Variants in RECQL observed in about 807,000 individuals in gnomAD.
RECQL encodes RecQ like helicase.
A neutral mutation model predicts 75.8 loss-of-function variants in RECQL; 73 were observed. That is an observed-to-expected ratio of 0.96 (90% CI 0.80 to 1.17). The LOEUF is 1.17. RECQL is among the 50% of genes most tolerant of loss of function. RECQL has a pLI of 0.00. For missense variants in RECQL, 699 were observed against 772.1 expected (o/e 0.91, Z 1.12); for synonymous variants, 248 against 254.4 (o/e 0.97, Z 0.24).
intron 4 of RECQL, among the ~76,000 whole-genome samples, chr12:21,487,872 G>A (rs534207885): frequency 3.3e-5 from 5 of 152,262 alleles, no homozygotes; most frequent in Middle Eastern, 6.8e-3. Flanking sequence ...TCTAGACACC[G>A]AAATCTATTA....
intron 5 of RECQL, among the ~76,000 whole-genome samples, chr12:21,483,809 A>T (rs1943239590): frequency 6.6e-6 from 1 of 152,150 alleles, no homozygotes; most frequent in South Asian, 2.1e-4. Flanking sequence ...GACTAAAAAA[A>T]ACTCACTTGA....
chr12:21,492,031 C>T (rs1463297557), intron 2 of RECQL, among the ~76,000 whole-genome samples: 1 of 152,152 alleles, frequency 6.6e-6, no homozygotes, highest in Non-Finnish European at 1.5e-5. Context: ...GTTCTAGACG[C>T]AGTACCTGGT....
intron 2 of RECQL, among the ~76,000 whole-genome samples, chr12:21,493,632 TTGGAGGGGAA>T (rs1943452459): frequency 6.6e-6 from 1 of 152,156 alleles, no homozygotes; most frequent in African/African-American, 2.4e-5. Flanking sequence ...AGACTGAAAT[TTGGAGGGGAA>T]CATAAGGGCA....
At chr12:21,495,444 A>C (rs1276101451) in intron 2 of RECQL, among the ~76,000 whole-genome samples, 4 of 152,052 alleles carry the variant, frequency 2.6e-5, no homozygotes, top group African/African-American at 7.2e-5. Context: ...AAAATACAAA[A>C]AATTAGCCAG....
chr12:21,491,420 TA>T, intron 3 of RECQL, 98 bp downstream of exon 3: 2 of 1,205,102 alleles, frequency 1.7e-6, no homozygotes, highest in Non-Finnish European at 2.3e-6. Context: ...GTTTCACCTC[TA>T]AGCCTACTGG....
chr12:21,489,587 G>C (rs1943369697), intron 4 of RECQL, among the ~76,000 whole-genome samples: 1 of 152,140 alleles, frequency 6.6e-6, no homozygotes, highest in Admixed American at 6.6e-5. Flanking sequence ...CCAGTGCCTA[G>C]CACCATGGCA....
rs555294334 is a variant in RECQL, at chr12:21,495,594, A to T, written c.17-3878T>A. On this transcript the variant is annotated intron_variant, in intron 2 of 14. Coordinates refer to ENST00000444129, the MANE Select transcript of RECQL (RefSeq NM_002907.4). ...TGGGTGACAGAGTGAGACTCCGTCC[A>T]AAAAAAAAAGAAAGAAAAAGAGAAA... 2.0e-5 allele frequency among the ~76,000 whole-genome samples: 3 copies of T among 146,944 alleles called. No homozygotes were observed. In the East Asian group the frequency reaches 5.9e-4, roughly 29 times the overall value.
rs539513762 is a variant in RECQL at position 21,470,084 on chromosome 12, T to C, written c.*110A>G. ...GATAAGCTCTGAAAATATAGATCCATACATATAAAATATCTATGAAATTCT... is the reference window on the plus strand; with the variant it reads ...GATAAGCTCTGAAAATATAGATCCACACATATAAAATATCTATGAAATTCT... On this transcript the variant is annotated 3_prime_UTR_variant, in exon 15 of 15. Coordinates refer to ENST00000444129, the MANE Select transcript of RECQL (RefSeq NM_002907.4). The C allele has an allele frequency of 4.6e-6, 4 of 875,844 alleles. No individual in the cohort carries two copies. The highest frequency in any genetic ancestry group is 2.7e-5 in the East Asian group (1 of 36,422). 54.3% of individuals were successfully genotyped at this position (875,844 alleles called of 1,614,324 possible). A position where few individuals can be genotyped will look rare whatever the true frequency, so the allele number is the denominator to read the frequency against.
chr12:21,472,981 A>G (rs543405160), intron 12 of RECQL, among the ~76,000 whole-genome samples: 8 of 152,172 alleles, frequency 5.3e-5, no homozygotes, highest in Non-Finnish European at 1.2e-4. Flanking sequence ...CAGTATAGCA[A>G]TATAAAATGT....
chr12:21,475,045 A>G, intron 10 of RECQL, 66 bp from the exon 11 acceptor site: 2 of 1,505,060 alleles, frequency 1.3e-6, no homozygotes, highest in Non-Finnish European at 1.8e-6. Context: ...CAAAAATGAC[A>G]TATGGTAAAA....
Position 21,501,474 on chromosome 12 carries a change from G to T in RECQL, c.-350C>A, listed in dbSNP as rs1454339531. Reference sequence around the variant, plus strand: ...GAGCCTCTCCCCACCGAGAAGCCCGGTCTAACTCTCCGGTGTTTGACTGTC... The same window carrying T: ...GAGCCTCTCCCCACCGAGAAGCCCGTTCTAACTCTCCGGTGTTTGACTGTC... On this transcript the variant is annotated 5_prime_UTR_variant, in exon 1 of 15. Transcript: ENST00000444129. 1 of 167,838 alleles carries T rather than the reference G, an allele frequency of 6.0e-6. No homozygotes were observed. The highest frequency in any genetic ancestry group is 1.3e-5 in the Non-Finnish European group (1 of 76,962). 10.4% of individuals were successfully genotyped at this position (167,838 alleles called of 1,614,324 possible). A position where few individuals can be genotyped will look rare whatever the true frequency, so the allele number is the denominator to read the frequency against.
intron 2 of RECQL, among the ~76,000 whole-genome samples, chr12:21,492,118 A>G (rs1943426619): frequency 1.3e-5 from 2 of 152,238 alleles, no homozygotes; most frequent in South Asian, 4.1e-4. Context: ...AAATCATTTA[A>G]GTAAAGTATC....
chr12:21,476,888 A>G, intron 8 of RECQL, 23 bp downstream of exon 8: 1 of 1,535,664 alleles, frequency 6.5e-7, no homozygotes, highest in Admixed American at 1.8e-5. Flanking sequence ...TCTGTCTCCA[A>G]AGTTGGTTTG....
intron 2 of RECQL, 116 bp from the exon 3 acceptor site, chr12:21,491,832 T>C (rs922513040): frequency 1.9e-5 from 17 of 907,822 alleles, no homozygotes; most frequent in African/African-American, 3.4e-5. Context: ...TGAAGTAGTA[T>C]AGCAGAATGG....
At position 21,493,542 on chromosome 12, in the gene RECQL, G is replaced by C. The variant is rs532298657; in HGVS notation, c.17-1826C>G. 5.3e-5 allele frequency among the ~76,000 whole-genome samples: 8 copies of C among 152,330 alleles called. No homozygotes were observed. The South Asian group carries it at 1.7e-3, about 32-fold the overall frequency. On this transcript the variant is annotated intron_variant, in intron 2 of 14. Transcript: ENST00000444129. ...AATAGCTGTAAGTCTAAATCCTGCA[G>C]ATGGCTGAATTTCAATACAAACTGA...
intron 5 of RECQL, among the ~76,000 whole-genome samples, chr12:21,484,906 GA>G (rs1780372921): frequency 6.6e-6 from 1 of 150,690 alleles, no homozygotes; most frequent in Non-Finnish European, 1.5e-5. Flanking sequence ...AACTCATAAA[GA>G]AAGGGAAAAA....
intron 4 of RECQL, among the ~76,000 whole-genome samples, chr12:21,489,355 A>G (rs1302591629): frequency 6.6e-6 from 1 of 151,244 alleles, no homozygotes; most frequent in Non-Finnish European, 1.5e-5. Context: ...CCCTTTCAAG[A>G]AAAAGCTTGC....
chr12:21,490,169 CA>C (rs1287643530), intron 4 of RECQL, 29 bp downstream of exon 4: 32 of 1,366,842 alleles, frequency 2.3e-5, no homozygotes, highest in Non-Finnish European at 3.2e-5. Context: ...AGCACTTCTT[CA>C]ACTCAAAATT....
intron 1 of RECQL, among the ~76,000 whole-genome samples, chr12:21,500,877 T>A (rs943673371): frequency 3.7e-4 from 56 of 152,154 alleles, no homozygotes; most frequent in African/African-American, 1.3e-3. Context: ...GACTGCTCCT[T>A]CCCAAAATGA....
Sources: gnomAD v4.1 joint callset for allele counts (sites outside exome capture counted in the v4.1 genomes callset) on GRCh38, gnomAD v4.1.1 for gene constraint, MANE v1.5 for transcripts, NCBI Gene and HGNC (gene_info 2026-07-23, HGNC 2026-07-21) for gene names.